Variants in COL19A1 observed in about 807,000 individuals in gnomAD.
COL19A1 encodes the protein collagen alpha-1(XIX) chain.
A neutral mutation model predicts 190.2 loss-of-function variants in COL19A1; 159 were observed. That is an observed-to-expected ratio of 0.84 (90% CI 0.73 to 0.95). The LOEUF is 0.95. Among genes scored for constraint, COL19A1 ranks in the 40% least tolerant of loss-of-function variants. The probability of loss-of-function intolerance (pLI) is 0.00; values close to 1 mark genes in which losing one functional copy is unlikely to be tolerated. For synonymous variants in COL19A1, 509 were observed against 458.9 expected (o/e 1.11, Z -1.39); for missense variants, 1,418 against 1,431.9 (o/e 0.99, Z 0.16).
At chr6:69,906,256 G>A (rs1467633665) in intron 4 of COL19A1, among the ~76,000 whole-genome samples, 1 of 152,148 alleles carries the variant, frequency 6.6e-6, no homozygotes, top group Non-Finnish European at 1.5e-5. Context: ...TTCTGAAGGA[G>A]CAACACACTC....
chr6:70,029,250 T>C (rs1412140742), intron 12 of COL19A1, among the ~76,000 whole-genome samples: 1 of 152,142 alleles, frequency 6.6e-6, no homozygotes, highest in African/African-American at 2.4e-5. Context: ...TTTTATATTA[T>C]CTTCTGAATT....
intron 4 of COL19A1, among the ~76,000 whole-genome samples, chr6:69,925,629 A>G (rs1358391635): frequency 1.3e-5 from 2 of 152,142 alleles, no homozygotes; most frequent in Middle Eastern, 3.2e-3. Context: ...GAAGAAAGTC[A>G]TTGGTAGCTT....
intron 14 of COL19A1, among the ~76,000 whole-genome samples, chr6:70,039,525 C>T (rs1779528048): frequency 6.6e-6 from 1 of 152,202 alleles, no homozygotes; most frequent in African/African-American, 2.4e-5. Flanking sequence ...GCATTGACAA[C>T]TTCAGGACAC....
At chr6:69,918,826 G>A (rs1447254995) in intron 4 of COL19A1, among the ~76,000 whole-genome samples, 1 of 152,166 alleles carries the variant, frequency 6.6e-6, no homozygotes, top group African/African-American at 2.4e-5. Context: ...ATTTGGGTGG[G>A]GCACCTGAGT....
At chr6:70,072,745 A>G (rs1358655336) in intron 15 of COL19A1, among the ~76,000 whole-genome samples, 2 of 151,858 alleles carry the variant, frequency 1.3e-5, no homozygotes, top group South Asian at 2.1e-4. Flanking sequence ...GAGAACATCA[A>G]CCTACCTACC....
At chr6:70,043,907 G>T (rs1246451308) in intron 14 of COL19A1, among the ~76,000 whole-genome samples, 1 of 152,120 alleles carries the variant, frequency 6.6e-6, no homozygotes. Context: ...TTGAAGTCAG[G>T]CATTGACTTT....
chr6:69,899,190 G>A lies in COL19A1; in HGVS notation c.166+168G>A, dbSNP rs9446168. ...ATTTTTTTTTTTTTTTTTGAGACAGGGTCTCACTCTGTCACTCAGGCTGGA... is the reference window on the plus strand; with the variant it reads ...ATTTTTTTTTTTTTTTTTGAGACAGAGTCTCACTCTGTCACTCAGGCTGGA... On this transcript the variant is annotated intron_variant, in intron 3 of 50. Coordinates refer to ENST00000620364, the MANE Select transcript of COL19A1 (RefSeq NM_001858.6). Among the ~76,000 whole-genome samples the A allele has an allele frequency of 0.3, 44,955 of 147,964 alleles. 8,296 individuals carry two copies. The highest frequency in any genetic ancestry group is 0.52 in the African/African-American group (20,715 of 39,990).
chr6:69,912,090 A>C (rs553656156), intron 4 of COL19A1, among the ~76,000 whole-genome samples: 1 of 152,156 alleles, frequency 6.6e-6, no homozygotes, highest in East Asian at 1.9e-4. Context: ...TTGTTAACCC[A>C]TTTCTGTCTC....
chr6:69,959,270 C>T (rs896625521), intron 9 of COL19A1, among the ~76,000 whole-genome samples: 7 of 152,026 alleles, frequency 4.6e-5, no homozygotes, highest in Admixed American at 1.3e-4. Flanking sequence ...CAAGTAATTG[C>T]TTTATATTAA....
At chr6:69,944,024 A>G (rs1230258538) in intron 9 of COL19A1, among the ~76,000 whole-genome samples, 1 of 151,986 alleles carries the variant, frequency 6.6e-6, no homozygotes, top group African/African-American at 2.4e-5. Context: ...TGACTCCTCA[A>G]TCCCAGATTG....
Position 70,207,347 on chromosome 6 carries a change from T to C in COL19A1, c.*73T>C. ...GAGCTCTCTTAATACCGTCAAACCC[T>C]CATCATCTGTGGGTTGCTTTTTTTT... On this transcript the variant is annotated 3_prime_UTR_variant, in exon 51 of 51. Transcript: ENST00000620364. 1.1e-4 allele frequency: 75 copies of C among 678,004 alleles called. No homozygotes were observed. Among genetic ancestry groups the C allele is most frequent in the Non-Finnish European group, 1.5e-4 (69 of 457,244 alleles). 42.0% of individuals were successfully genotyped at this position (678,004 alleles called of 1,614,324 possible).
chr6:69,959,380 C>T (rs1049728822), intron 9 of COL19A1, among the ~76,000 whole-genome samples: 1 of 152,020 alleles, frequency 6.6e-6, no homozygotes, highest in African/African-American at 2.4e-5. Flanking sequence ...CACACACACA[C>T]ACACATATAT....
chr6:69,955,030 C>T (rs1774328413), intron 9 of COL19A1, among the ~76,000 whole-genome samples: 1 of 152,088 alleles, frequency 6.6e-6, no homozygotes, highest in African/African-American at 2.4e-5. Context: ...ATTCAGATGT[C>T]AATCACTATA....
Position 70,171,891 on chromosome 6 carries a change from C to G in COL19A1, c.2569-73C>G, listed in dbSNP as rs3806050. ...GGGTGGGAAGGTTAAGCAAAAAAAT[C>G]TTTGCTTTGGAAACCAATGCTTAAA... On this transcript the variant is annotated intron_variant, in intron 40 of 50. Coordinates refer to ENST00000620364, the MANE Select transcript of COL19A1 (RefSeq NM_001858.6). 0.029 allele frequency: 42,489 copies of G among 1,462,814 alleles called. 1,443 individuals carry two copies. Among genetic ancestry groups the G allele is most frequent in the African/African-American group, 0.13 (9,440 of 71,834 alleles). The allele number at this position is 1,462,814 out of a possible 1,614,324, so 90.6% of individuals were successfully genotyped here. A position where few individuals can be genotyped will look rare whatever the true frequency, so the allele number is the denominator to read the frequency against.
chr6:70,121,650 T>C (rs1038441131), intron 16 of COL19A1, among the ~76,000 whole-genome samples: 5 of 152,158 alleles, frequency 3.3e-5, no homozygotes, highest in African/African-American at 9.6e-5. Context: ...TGTTACATGC[T>C]CCCACTTAGG....
At chr6:69,929,382 C>G in intron 5 of COL19A1, 43 bp from the exon 6 acceptor site, 1 of 1,563,906 alleles carries the variant, frequency 6.4e-7, no homozygotes, top group African/African-American at 1.4e-5. Flanking sequence ...TAATTTTGAA[C>G]ATTGATTTTT....
intron 43 of COL19A1, 22 bp from the exon 44 acceptor site, chr6:70,180,437 TTG>T (rs1240369467): frequency 6.2e-6 from 10 of 1,613,946 alleles, no homozygotes; most frequent in Middle Eastern, 1.6e-4. Context: ...GGCAATTAAT[TTG>T]TGTCTGTGGA....
intron 1 of COL19A1, among the ~76,000 whole-genome samples, chr6:69,871,520 A>G (rs2487433): frequency 0.69 from 104,352 of 152,110 alleles, 35,764 homozygotes; most frequent in Middle Eastern, 0.75. Flanking sequence ...TTGAGATGCC[A>G]TGTACATTAA....
chr6:70,152,526 G>A (rs1787130430), intron 31 of COL19A1, among the ~76,000 whole-genome samples: 1 of 152,084 alleles, frequency 6.6e-6, no homozygotes, highest in Admixed American at 6.6e-5. Flanking sequence ...AAGAATATTT[G>A]TGGGGATTTC....
Sources: gnomAD v4.1 joint callset for allele counts (sites outside exome capture counted in the v4.1 genomes callset) on GRCh38, gnomAD v4.1.1 for gene constraint, MANE v1.5 for transcripts, NCBI Gene and HGNC (gene_info 2026-07-23, HGNC 2026-07-21) for gene names.